RCL1: variants seen among roughly 807,000 people sequenced by gnomAD.
RCL1 encodes RNA 3'-terminal phosphate cyclase-like protein.
A neutral mutation model predicts 42.4 loss-of-function variants in RCL1; 24 were observed. The ratio of observed to expected loss-of-function variants is 0.57; its 90% CI spans 0.41 to 0.80. RCL1 has a LOEUF of 0.80. Among genes scored for constraint, RCL1 ranks in the 30% least tolerant of loss-of-function variants. The pLI, the probability that RCL1 is intolerant of heterozygous loss-of-function variation, is 0.00. For missense variants in RCL1, 578 were observed against 467.9 expected, an observed-to-expected ratio of 1.24 and a Z score of -2.17; for synonymous variants, 228 against 177.3, an observed-to-expected ratio of 1.29 and a Z score of -2.27.
intron 5 of RCL1, chr9:4,840,000 T>A: frequency 1.5e-6 from 1 of 645,238 alleles, no homozygotes; most frequent in Non-Finnish European, 1.9e-6. Context: ...GAGTTGATGG[T>A]GCAGAGCTGA....
intron 1 of RCL1, among the ~76,000 whole-genome samples, chr9:4,810,167 G>A (rs1043169082): frequency 1.3e-5 from 2 of 152,030 alleles, no homozygotes; most frequent in African/African-American, 4.8e-5. Flanking sequence ...TTTCAACTTT[G>A]TTTTTCATTT....
In RCL1 at chr9:4,858,397, T is replaced by C. The variant is rs537208706; in HGVS notation, c.972-1728T>C. Among the ~76,000 whole-genome samples, 9 of 152,336 alleles carry C rather than the reference T, an allele frequency of 5.9e-5. No individual in the cohort carries two copies. The South Asian group carries it at 1.7e-3, about 28-fold the overall frequency. On this transcript the variant is annotated intron_variant, in intron 8 of 8. Coordinates refer to ENST00000381750, the MANE Select transcript of RCL1 (RefSeq NM_005772.5). ...TATTTTGTCTCTTATTGCCATCCTT[T>C]TGGTGTTGTATTTAAGAAATGGTTA...
At chr9:4,830,848 C>T (rs192038622) in intron 3 of RCL1, among the ~76,000 whole-genome samples, 37 of 152,208 alleles carry the variant, frequency 2.4e-4, no homozygotes, top group African/African-American at 8.7e-4. Flanking sequence ...TGATTGACTG[C>T]GCTGTAATGG....
intron 5 of RCL1, 93 bp downstream of exon 5, chr9:4,834,358 T>C (rs918493032): frequency 1.4e-6 from 2 of 1,408,000 alleles, no homozygotes; most frequent in African/African-American, 2.9e-5. Context: ...TTCCCGAGGT[T>C]ATTTACATTT....
intron 8 of RCL1, among the ~76,000 whole-genome samples, chr9:4,854,455 G>T (rs1051641056): frequency 6.6e-6 from 1 of 152,150 alleles, no homozygotes; most frequent in African/African-American, 2.4e-5. Flanking sequence ...TGAGATGTAG[G>T]TACCCCCAGC....
intron 1 of RCL1, among the ~76,000 whole-genome samples, chr9:4,807,464 A>T (rs996390364): frequency 2.6e-5 from 4 of 152,166 alleles, no homozygotes; most frequent in Admixed American, 2.0e-4. Context: ...GTTTTCATTT[A>T]GGTCAACGTA....
intron 3 of RCL1, chr9:4,827,282 A>G: frequency 3.8e-6 from 5 of 1,326,980 alleles, no homozygotes; most frequent in Non-Finnish European, 5.0e-6. Flanking sequence ...CCTTCAAAAC[A>G]GATGCTCTCC....
chr9:4,812,560 A>G (rs959906319), intron 1 of RCL1, among the ~76,000 whole-genome samples: 3 of 152,126 alleles, frequency 2.0e-5, no homozygotes, highest in Admixed American at 6.6e-5. Context: ...GTATATTTCA[A>G]AGTCACGTAG....
At chr9:4,827,731 A>AGTGTGTGT (rs71326142) in intron 3 of RCL1, among the ~76,000 whole-genome samples, 21,235 of 147,422 alleles carry the variant, frequency 0.14, 1,879 homozygotes, top group South Asian at 0.27. Context: ...TCTAGGATGA[A>AGTGTGTGT]GTGTGTGTGT....
intron 5 of RCL1, among the ~76,000 whole-genome samples, chr9:4,835,435 C>CG (rs1817089182): frequency 6.6e-6 from 1 of 152,124 alleles, no homozygotes; most frequent in Non-Finnish European, 1.5e-5. Flanking sequence ...GGGAAGAGTG[C>CG]TGGATCCCTA....
At chr9:4,835,509 C>G (rs1487738048) in intron 5 of RCL1, among the ~76,000 whole-genome samples, 1 of 152,152 alleles carries the variant, frequency 6.6e-6, no homozygotes. Flanking sequence ...GTGGGGACCA[C>G]TCTTTACAGA....
intron 8 of RCL1, among the ~76,000 whole-genome samples, chr9:4,851,408 G>T (rs1294846741): frequency 6.6e-6 from 1 of 152,210 alleles, no homozygotes; most frequent in Admixed American, 6.5e-5. Context: ...ACAGGTAAGG[G>T]AGTCTATTTT....
intron 1 of RCL1, among the ~76,000 whole-genome samples, chr9:4,798,493 G>A (rs997704707): frequency 1.3e-5 from 2 of 152,206 alleles, no homozygotes; most frequent in African/African-American, 4.8e-5. Context: ...TGCTCCATAT[G>A]GCTTAAGCAG....
At chr9:4,859,405 C>G (rs2129762077) in intron 8 of RCL1, among the ~76,000 whole-genome samples, 1 of 152,270 alleles carries the variant, frequency 6.6e-6, no homozygotes, top group Non-Finnish European at 1.5e-5. Flanking sequence ...TATCTAGTCT[C>G]TATCTATACC....
chr9:4,829,668 C>G (rs1243142600), intron 3 of RCL1, among the ~76,000 whole-genome samples: 1 of 152,108 alleles, frequency 6.6e-6, no homozygotes, highest in Non-Finnish European at 1.5e-5. Context: ...ATTCATCTTT[C>G]ACGTGTTTTT....
Position 4,860,341 on chromosome 9 carries a change from G to C in RCL1, c.*66G>C. ...CAGAAGCTGCCACGGACACCAATGG[G>C]ACCAAGTCCAAATGGATTAATCCAG... On this transcript the variant is annotated 3_prime_UTR_variant, in exon 9 of 9. Transcript: ENST00000381750. The C allele has an allele frequency of 6.5e-7, 1 of 1,542,570 alleles. No homozygotes were observed. The highest frequency in any genetic ancestry group is 8.8e-7 in the Non-Finnish European group (1 of 1,138,802).
At position 4,823,770 on chromosome 9, in the gene RCL1, C is replaced by G. The variant is rs1006257636; in HGVS notation, c.208+151C>G. ...TATAAATATTATGTTTAAAGCTTTA[C>G]TAATCACTTTGTATTATATAAATCA... On this transcript the variant is annotated intron_variant, in intron 2 of 8. Transcript: ENST00000381750. 3 of 575,870 alleles carry G rather than the reference C, an allele frequency of 5.2e-6. No individual in the cohort carries two copies. In the East Asian group the frequency reaches 9.0e-5, roughly 17 times the overall value. 35.7% of individuals were successfully genotyped at this position (575,870 alleles called of 1,614,324 possible). A position where few individuals can be genotyped will look rare whatever the true frequency, so the allele number is the denominator to read the frequency against.
Position 4,809,838 on chromosome 9 carries a change from A to G in RCL1, c.137-13710A>G, listed in dbSNP as rs545524602. On this transcript the variant is annotated intron_variant, in intron 1 of 8. Transcript: ENST00000381750. ...TCTTTGCTTTTTGTTTGTTTTCAAG[A>G]TGGAGTCTCACTCTGTCACCCAGGC... 1.5e-4 allele frequency among the ~76,000 whole-genome samples: 23 copies of G among 152,024 alleles called. No homozygotes were observed. In the South Asian group the frequency reaches 4.4e-3, roughly 29 times the overall value.
Position 4,792,995 on chromosome 9 carries a change from C to G in RCL1, c.-97C>G. On this transcript the variant is annotated 5_prime_UTR_variant, in exon 1 of 9. Coordinates refer to ENST00000381750, the MANE Select transcript of RCL1 (RefSeq NM_005772.5). ...TGGAGGCAGCCCGAGCCGCCGCCGT[C>G]GGTGTCGCCGCCACCACCACCATCG... The G allele has an allele frequency of 7.1e-7, 1 of 1,398,690 alleles. No individual in the cohort carries two copies. Among genetic ancestry groups the G allele is most frequent in the Non-Finnish European group, 9.6e-7 (1 of 1,043,088 alleles). The allele number at this position is 1,398,690 out of a possible 1,614,324, so 86.6% of individuals were successfully genotyped here.
Sources: gnomAD v4.1 joint callset for allele counts (sites outside exome capture counted in the v4.1 genomes callset) on GRCh38, gnomAD v4.1.1 for gene constraint, MANE v1.5 for transcripts, NCBI Gene and HGNC (gene_info 2026-07-23, HGNC 2026-07-21) for gene names.